The following AKT1S1 variants were observed in gnomAD, a reference collection of about 807,000 sequenced individuals.
The protein encoded by AKT1S1 is proline-rich AKT1 substrate 1.
Under a neutral mutation model 21.2 loss-of-function variants are expected in AKT1S1, and 17 were observed. The observed-to-expected ratio is 0.80, with a 90% CI of 0.55 to 1.20. The LOEUF is 1.20. AKT1S1 is among the 50% of genes most tolerant of loss of function. AKT1S1 has a pLI of 0.00. For synonymous variants in AKT1S1, 181 were observed against 165.6 expected, an observed-to-expected ratio of 1.09 and a Z score of -0.72; for missense variants, 366 against 368.3, an observed-to-expected ratio of 0.99 and a Z score of 0.05.
intron 1 of AKT1S1, chr19:49,876,695 C>T (rs1243984119): frequency 6.9e-7 from 1 of 1,446,714 alleles, no homozygotes; most frequent in Non-Finnish European, 9.1e-7. Flanking sequence ...TGCCCCGCCT[C>T]CTCTCCGCAC....
chr19:49,873,493 C>A lies in AKT1S1; in HGVS notation c.-7-191G>T. 1 of 1,108,834 alleles carries A rather than the reference C, an allele frequency of 9.0e-7. No homozygotes were observed. The highest frequency in any genetic ancestry group is 2.0e-5 in the South Asian group (1 of 49,436). 68.7% of individuals were successfully genotyped at this position (1,108,834 alleles called of 1,614,324 possible). ...ACCATCCAGTCCTCGCAGGCCCAGA[C>A]CCTGGCGACGTCCTCTGCCCCAACC... On this transcript the variant is annotated intron_variant, in intron 1 of 4. Coordinates refer to ENST00000344175, the MANE Select transcript of AKT1S1 (RefSeq NM_001098633.4). The surrounding 1 kb of genome is among the most constrained non-coding windows in gnomAD (Gnocchi z 6.9).
At position 49,873,100 on chromosome 19, in the gene AKT1S1, C is replaced by T. The variant is rs918799688; in HGVS notation, c.196G>A (p.Ala66Thr). 3 of 1,547,840 alleles carry T rather than the reference C, an allele frequency of 1.9e-6. No individual in the cohort carries two copies. The highest frequency in any genetic ancestry group is 1.4e-5 in the African/African-American group (1 of 73,298). ...EAARRCLHDI[A>T]LAHRAATAAR... ...GCAGTGGCAGCCCTGTGGGCCAGTG[C>T]GATGTCGTGGAGGCAACGGCGCGCT... is the stretch of plus-strand genomic sequence containing the variant. The change falls in exon 2 of 5, where the codon GCA (alanine) becomes ACA (threonine). Residue 66 changes from alanine to threonine, a missense_variant. Transcript: ENST00000344175. The surrounding 1 kb of genome is among the most constrained non-coding windows in gnomAD (Gnocchi z 6.9).
chr19:49,876,615 A>G (rs2074948134), intron 1 of AKT1S1: 1 of 1,532,676 alleles, frequency 6.5e-7, no homozygotes, highest in African/African-American at 1.4e-5. Context: ...GCCCGTAGCC[A>G]GCATGGCCGG....
At position 49,869,401 on chromosome 19, in the gene AKT1S1, G is replaced by A. The variant is rs1248062922; in HGVS notation, c.*516C>T. On this transcript the variant is annotated 3_prime_UTR_variant, in exon 5 of 5. Transcript: ENST00000344175. ...CGTAGTGTAAAGAACGTAAATTGAAGGCCCCGGGCCAATTCTGGGAAGAGG... is the reference window on the plus strand; with the variant it reads ...CGTAGTGTAAAGAACGTAAATTGAAAGCCCCGGGCCAATTCTGGGAAGAGG... 6.5e-6 allele frequency: 1 copy of A among 153,008 alleles called. No homozygotes were observed. Among genetic ancestry groups the A allele is most frequent in the Non-Finnish European group, 1.5e-5 (1 of 68,146 alleles). The allele number at this position is 153,008 out of a possible 1,614,324, so 9.5% of individuals were successfully genotyped here.
intron 1 of AKT1S1, chr19:49,875,878 C>T (rs1201102146): frequency 3.0e-5 from 30 of 985,286 alleles, no homozygotes; most frequent in Non-Finnish European, 3.6e-5. Flanking sequence ...CCTTACCCTT[C>T]AGCTTCTAGA....
chr19:49,877,676 T>C, upstream of AKT1S1: 1 of 1,588,552 alleles, frequency 6.3e-7, no homozygotes, highest in Non-Finnish European at 8.6e-7. Flanking sequence ...GACAACACGC[T>C]GACTAGGAAA....
upstream of AKT1S1, chr19:49,877,645 G>T: frequency 6.6e-7 from 1 of 1,514,574 alleles, no homozygotes; most frequent in Non-Finnish European, 9.0e-7. Flanking sequence ...GGCCCGGAGG[G>T]GAACTGTTTT....
At position 49,873,548 on chromosome 19, in the gene AKT1S1, C is replaced by T. The variant is rs2074909842; in HGVS notation, c.-7-246G>A. ...CCTCCTGCCCCAAGTCACTGTACTC[C>T]TTCCCCTTTGGCCCTGCCCTGGCCT... On this transcript the variant is annotated intron_variant, in intron 1 of 4. Transcript: ENST00000344175. This position sits in a 1 kb window ranked among gnomAD's most constrained non-coding sequence, Gnocchi z 6.9. 14 of 667,426 alleles carry T rather than the reference C, an allele frequency of 2.1e-5. No individual in the cohort carries two copies. The South Asian group carries it at 4.1e-4, about 19-fold the overall frequency. The allele number at this position is 667,426 out of a possible 1,614,324, so 41.3% of individuals were successfully genotyped here.
At chr19:49,876,360 T>TA (rs2074944026) in intron 1 of AKT1S1, 3 of 1,157,636 alleles carry the variant, frequency 2.6e-6, no homozygotes, top group African/African-American at 3.2e-5. Context: ...ACGGCCCAGG[T>TA]AGAGATCCCA....
chr19:49,872,402 C>G (rs2074894214), intron 2 of AKT1S1, among the ~76,000 whole-genome samples: 2 of 152,188 alleles, frequency 1.3e-5, no homozygotes, highest in South Asian at 4.1e-4. Context: ...TGATCAAACT[C>G]CTACTAACTC....
At chr19:49,876,753 A>G in intron 1 of AKT1S1, 2 of 1,347,038 alleles carry the variant, frequency 1.5e-6, no homozygotes, top group Non-Finnish European at 1.9e-6. Flanking sequence ...TGGCGGCCAC[A>G]GGGGCTTCAT....
At chr19:49,877,821 C>T (rs1307747058), upstream of AKT1S1, 1 of 1,502,576 alleles carries the variant, frequency 6.7e-7, no homozygotes, top group Non-Finnish European at 9.0e-7. Flanking sequence ...TCTCTCAGGC[C>T]TTGGCTCTCG....
upstream of AKT1S1, chr19:49,877,739 T>C (rs2074967331): frequency 6.3e-7 from 1 of 1,597,412 alleles, no homozygotes; most frequent in Non-Finnish European, 8.5e-7. Context: ...AGGAGCCGGC[T>C]ACAGGGTAAG....
rs755696378 is a variant in AKT1S1 at position 49,871,555 on chromosome 19, TCTC to T, written c.616_618del (p.Glu206del). On this transcript the variant is annotated inframe_deletion, in exon 4 of 5. Transcript: ENST00000344175. ...CCACATTTGCCCCTCACCGGCCCAT[TCTC>T]CTCATCTGATGACCGCGCCTCTGTC... The T allele has an allele frequency of 6.2e-6, 10 of 1,613,652 alleles. No homozygotes were observed. Among genetic ancestry groups the T allele is most frequent in the African/African-American group, 4.0e-5 (3 of 74,820 alleles).
Position 49,871,859 on chromosome 19 carries a change from A to C in AKT1S1, c.410T>G (p.Leu137Arg). The change falls in exon 3 of 5, where the codon CTC becomes CGC. Residue 137 changes from leucine to arginine, a missense_variant. Transcript: ENST00000344175. ...CTCACAGAAGGGGGGAAGGTCCTGG[A>C]GGGTGGCGTCCTCATCCATCACAAA... is the stretch of plus-strand genomic sequence containing the variant. ...GLFVMDEDATLQDLPPFCESD... is the reference protein window; with the variant it reads ...GLFVMDEDATRQDLPPFCESD... 6.2e-7 allele frequency: 1 copy of C among 1,612,728 alleles called. No individual in the cohort carries two copies. The highest frequency in any genetic ancestry group is 8.5e-7 in the Non-Finnish European group (1 of 1,179,590).
intron 2 of AKT1S1, 44 bp downstream of exon 2, chr19:49,872,873 C>T (rs1229519341): frequency 2.6e-6 from 4 of 1,567,742 alleles, no homozygotes; most frequent in East Asian, 4.6e-5. Flanking sequence ...CCTGCGGGCA[C>T]CTCAAGCGCT....
rs1426952393 is a variant in AKT1S1, at chr19:49,869,260, G to A, written c.*657C>T. 1 of 152,796 alleles carries A rather than the reference G, an allele frequency of 6.5e-6. No homozygotes were observed. Among genetic ancestry groups the A allele is most frequent in the Non-Finnish European group, 1.5e-5 (1 of 68,142 alleles). 9.5% of individuals were successfully genotyped at this position (152,796 alleles called of 1,614,324 possible). The stretch of plus-strand genomic sequence containing the variant: ...GACGGGCTTCGATTGGCAGGCTGTT[G>A]TGGGGATGGATGGAACCAATGAAAG... On this transcript the variant is annotated 3_prime_UTR_variant, in exon 5 of 5. Transcript: ENST00000344175.
At chr19:49,876,790 A>T (rs2074952556) in intron 1 of AKT1S1, 6 of 1,081,654 alleles carry the variant, frequency 5.5e-6, no homozygotes, top group Non-Finnish European at 7.4e-6. Context: ...GGGTGACGAC[A>T]GCTTGCCCCT....
rs2074857285 is a variant in AKT1S1, at chr19:49,869,544, A to G, written c.*373T>C. ...TTTACAGGATTTGAGCCAATCAAAA[A>G]AAGAGCTGTCCAGCGACTAGGGGAT... On this transcript the variant is annotated 3_prime_UTR_variant, in exon 5 of 5. Coordinates refer to ENST00000344175, the MANE Select transcript of AKT1S1 (RefSeq NM_001098633.4). 5.6e-6 allele frequency: 1 copy of G among 178,918 alleles called. No homozygotes were observed. The highest frequency in any genetic ancestry group is 1.2e-5 in the Non-Finnish European group (1 of 85,576). The allele number at this position is 178,918 out of a possible 1,614,324, so 11.1% of individuals were successfully genotyped here.
Sources: allele counts gnomAD v4.1 joint callset (sites outside exome capture counted in the v4.1 genomes callset), GRCh38; gene constraint gnomAD v4.1.1; non-coding constraint Gnocchi (gnomAD v3.1); transcripts MANE v1.5; gene names NCBI Gene and HGNC (gene_info 2026-07-23, HGNC 2026-07-21).